The following RYR3 variants were observed in gnomAD, a reference collection of about 807,000 sequenced individuals.
RYR3 encodes the protein ryanodine receptor 3, also known as brain ryanodine receptor-calcium release channel.
In RYR3, 207 loss-of-function variants were observed where a neutral mutation model predicts 584.3. The observed-to-expected ratio is 0.35, with a 90% CI of 0.32 to 0.40. RYR3 has a LOEUF of 0.40. RYR3 is among the 10% of genes least tolerant of loss of function. The pLI is 1.00. For synonymous variants in RYR3, 2,416 were observed against 2,248.5 expected, an observed-to-expected ratio of 1.07 and a Z score of -2.11; for missense variants, 5,616 against 6,089.2, an observed-to-expected ratio of 0.92 and a Z score of 2.59.
At chr15:33,361,983 C>T (rs1974828055) in intron 1 of RYR3, among the ~76,000 whole-genome samples, 2 of 152,192 alleles carry the variant, frequency 1.3e-5, no homozygotes, top group Non-Finnish European at 2.9e-5. Context: ...AGGAAGGTAA[C>T]TGACTGGAGG....
At chr15:33,753,842 G>A (rs1464595152) in intron 57 of RYR3, among the ~76,000 whole-genome samples, 1 of 152,088 alleles carries the variant, frequency 6.6e-6, no homozygotes, top group Non-Finnish European at 1.5e-5. Context: ...GTGATTTGCT[G>A]ATAAATAACT....
At chr15:33,495,839 T>C (rs2051370988) in intron 2 of RYR3, among the ~76,000 whole-genome samples, 1 of 152,186 alleles carries the variant, frequency 6.6e-6, no homozygotes, top group Admixed American at 6.5e-5. Flanking sequence ...TAAGATGAGG[T>C]ATAGATATTA....
At chr15:33,473,619 G>A in intron 2 of RYR3, 81 bp downstream of exon 2, 3 of 1,405,540 alleles carry the variant, frequency 2.1e-6, no homozygotes, top group South Asian at 2.4e-5. Flanking sequence ...GCTGGGAGAT[G>A]GTGATGAGGA....
chr15:33,473,877 G>A (rs1355484974), intron 2 of RYR3, among the ~76,000 whole-genome samples: 4 of 152,164 alleles, frequency 2.6e-5, no homozygotes, highest in Admixed American at 1.3e-4. Flanking sequence ...ATCTGAGTGT[G>A]TGTTCTTTAC....
At chr15:33,810,885 G>A (rs879414783) in intron 71 of RYR3, 93 bp from the exon 72 acceptor site, 12 of 1,185,876 alleles carry the variant, frequency 1.0e-5, no homozygotes, top group Non-Finnish European at 1.3e-5. Flanking sequence ...AGATCCCAGT[G>A]AAACTGTGCG....
chr15:33,780,417 C>T, intron 65 of RYR3, 76 bp downstream of exon 65: 1 of 1,477,766 alleles, frequency 6.8e-7, no homozygotes, highest in Non-Finnish European at 9.3e-7. Flanking sequence ...CAGGGAGCAG[C>T]AGCCCTGCAG....
chr15:33,343,228 T>G (rs1972041026), intron 1 of RYR3, among the ~76,000 whole-genome samples: 1 of 152,260 alleles, frequency 6.6e-6, no homozygotes, highest in African/African-American at 2.4e-5. Context: ...CTGGAAGTTC[T>G]GAGTTCTTTA....
chr15:33,615,469 G>A (rs754516623), intron 19 of RYR3, among the ~76,000 whole-genome samples: 1 of 152,184 alleles, frequency 6.6e-6, no homozygotes, highest in Non-Finnish European at 1.5e-5. Context: ...ACAGATGTGT[G>A]TGTATGTTTG....
intron 20 of RYR3, among the ~76,000 whole-genome samples, chr15:33,627,392 G>A (rs1007596444): frequency 6.6e-6 from 1 of 152,168 alleles, no homozygotes; most frequent in African/African-American, 2.4e-5. Flanking sequence ...CTCCCTTTAG[G>A]TAATCAGGGG....
At chr15:33,825,951 C>A (rs1328452628) in intron 82 of RYR3, 1 of 502,352 alleles carries the variant, frequency 2.0e-6, no homozygotes, top group Non-Finnish European at 3.6e-6. Context: ...CCAGGCTGGT[C>A]TTGAACTCCT....
At chr15:33,571,145 C>A (rs545304146) in intron 12 of RYR3, among the ~76,000 whole-genome samples, 232 of 127,818 alleles carry the variant, frequency 1.8e-3, no homozygotes, top group Middle Eastern at 8.4e-3. Flanking sequence ...TGTCTTGTTC[C>A]TGATCTAAGG....
intron 103 of RYR3, chr15:33,864,825 G>A (rs770136929): frequency 6.4e-5 from 18 of 281,252 alleles, no homozygotes; most frequent in African/African-American, 2.8e-4. Flanking sequence ...TTCCACCAGC[G>A]GCATGGAATC....
intron 8 of RYR3, among the ~76,000 whole-genome samples, chr15:33,546,465 C>T (rs77872531): frequency 0.017 from 2,646 of 152,208 alleles, 70 homozygotes; most frequent in African/African-American, 0.06. Flanking sequence ...GGGCATTTCC[C>T]GATAACATGT....
intron 3 of RYR3, among the ~76,000 whole-genome samples, chr15:33,525,387 CCTTA>C: frequency 6.6e-6 from 1 of 152,166 alleles, no homozygotes; most frequent in East Asian, 1.9e-4. Flanking sequence ...AATAAAAAAT[CCTTA>C]CTGTTTATAT....
intron 69 of RYR3, among the ~76,000 whole-genome samples, chr15:33,804,692 A>G (rs2076091167): frequency 6.6e-6 from 1 of 152,188 alleles, no homozygotes; most frequent in Non-Finnish European, 1.5e-5. Context: ...CTACATACTG[A>G]GGGGTTAGGG....
rs537042991 is a variant in RYR3, at chr15:33,448,903, G to T, written c.52-24516G>T. Among the ~76,000 whole-genome samples the T allele has an allele frequency of 7.2e-5, 11 of 152,252 alleles. No homozygotes were observed. The East Asian group carries it at 1.2e-3, about 16-fold the overall frequency. Reference sequence around the variant, plus strand: ...CTGCCTGGAGTGTGGGGGAGAGAACGTGGTCACTGATTATCCTCGTCTTCC... The same window carrying T: ...CTGCCTGGAGTGTGGGGGAGAGAACTTGGTCACTGATTATCCTCGTCTTCC... On this transcript the variant is annotated intron_variant, in intron 1 of 103. Coordinates refer to ENST00000634891, the MANE Select transcript of RYR3 (RefSeq NM_001036.6).
chr15:33,399,517 A>T (rs1452645172), intron 1 of RYR3, among the ~76,000 whole-genome samples: 1 of 152,122 alleles, frequency 6.6e-6, no homozygotes, highest in African/African-American at 2.4e-5. Context: ...CGGCGCCTGT[A>T]TTCCCAGCTA....
chr15:33,323,046 A>T (rs749242914), intron 1 of RYR3, among the ~76,000 whole-genome samples: 1 of 151,656 alleles, frequency 6.6e-6, no homozygotes, highest in African/African-American at 2.4e-5. Context: ...CAATAAGCAC[A>T]ATGCCTGGCT....
At chr15:33,634,784 C>G (rs2061425238) in intron 25 of RYR3, 51 bp downstream of exon 25, 1 of 1,510,126 alleles carries the variant, frequency 6.6e-7, no homozygotes, top group Admixed American at 1.7e-5. Flanking sequence ...AACAGGTCCT[C>G]TTCTTGGGGC....
Sources: allele counts gnomAD v4.1 joint callset (sites outside exome capture counted in the v4.1 genomes callset), GRCh38; gene constraint gnomAD v4.1.1; transcripts MANE v1.5; gene names NCBI Gene and HGNC (gene_info 2026-07-23, HGNC 2026-07-21).